Variants in CSMD2 observed in about 807,000 individuals in gnomAD.
CSMD2 encodes the protein CUB and sushi domain-containing protein 2.
Under a neutral mutation model 398.5 loss-of-function variants are expected in CSMD2, and 130 were observed. That is an observed-to-expected ratio of 0.33 (90% CI 0.28 to 0.38). The LOEUF (loss-of-function observed/expected upper bound fraction) is 0.38. Among genes scored for constraint, CSMD2 ranks in the 10% least tolerant of loss-of-function variants. The pLI is 1.00. For synonymous variants in CSMD2, 1,828 were observed against 1,908.5 expected (o/e 0.96, Z 1.10); for missense variants, 3,829 against 4,764.9 (o/e 0.80, Z 5.78).
At chr1:33,779,274 T>C (rs556594964) in intron 12 of CSMD2, among the ~76,000 whole-genome samples, 8 of 151,630 alleles carry the variant, frequency 5.3e-5, no homozygotes, top group South Asian at 2.1e-4. Flanking sequence ...TGTAGGGAGG[T>C]AGAATAGTGC....
intron 2 of CSMD2, among the ~76,000 whole-genome samples, chr1:34,069,372 G>A (rs1408741053): frequency 6.6e-6 from 1 of 152,198 alleles, no homozygotes; most frequent in Non-Finnish European, 1.5e-5. Flanking sequence ...AAGCAACAGA[G>A]CACAGGAAGG....
chr1:33,588,162 A>G (rs557410655), intron 44 of CSMD2, among the ~76,000 whole-genome samples: 1 of 152,308 alleles, frequency 6.6e-6, no homozygotes, highest in Non-Finnish European at 1.5e-5. Flanking sequence ...TATATGTTAT[A>G]TAGCTTGTGT....
At chr1:34,141,222 C>T (rs1038849791) in intron 1 of CSMD2, among the ~76,000 whole-genome samples, 5 of 152,030 alleles carry the variant, frequency 3.3e-5, no homozygotes, top group Non-Finnish European at 1.5e-5. Context: ...TTGGTTCTCC[C>T]TCTGTATTCA....
At chr1:33,544,854 T>TATATATATATATATATAC (rs1553134872) in intron 57 of CSMD2, among the ~76,000 whole-genome samples, 1 of 93,328 alleles carries the variant, frequency 1.1e-5, no homozygotes, top group African/African-American at 3.3e-5. Context: ...TATATATATA[T>TATATATATATATATATAC]ACACATATAA....
In CSMD2 at chr1:33,617,560, C is replaced by T. The variant is rs1442611815; in HGVS notation, c.5885G>A (p.Gly1962Asp). 1.2e-6 allele frequency: 2 copies of T among 1,614,136 alleles called. No individual in the cohort carries two copies. Among genetic ancestry groups the T allele is most frequent in the South Asian group, 1.1e-5 (1 of 91,070 alleles). Residue 1962 changes from glycine (G) to aspartate (D), a missense_variant, in exon 38 of 71, where the codon GGC (glycine) becomes GAC (aspartate). Gly to Asp is a moderately conservative substitution (Grantham distance 94). This residue lies in a region of CSMD2 where 2,001 missense variants were observed against 2,567.1 expected (regional missense o/e 0.78). Transcript: ENST00000373381. Reference sequence around the variant, plus strand: ...CACATCATTCACCAAGTAGCGCTCGCCAGTCTTCACCCCGTTACTGGGCAC... The same window carrying T: ...CACATCATTCACCAAGTAGCGCTCGTCAGTCTTCACCCCGTTACTGGGCAC... Reference protein sequence around the residue: ...PAVPSNGVKTGERYLVNDVVS... With the variant: ...PAVPSNGVKTDERYLVNDVVS...
At chr1:33,917,102 G>A (rs181177856) in intron 5 of CSMD2, among the ~76,000 whole-genome samples, 34 of 152,084 alleles carry the variant, frequency 2.2e-4, no homozygotes, top group African/African-American at 7.9e-4. Flanking sequence ...GCACAGCCCC[G>A]CCAGACCTGG....
intron 22 of CSMD2, among the ~76,000 whole-genome samples, chr1:33,703,162 C>T (rs554936204): frequency 6.6e-6 from 1 of 152,200 alleles, no homozygotes; most frequent in South Asian, 2.1e-4. Context: ...AAACAAAATT[C>T]TCCCAGATGT....
intron 2 of CSMD2, among the ~76,000 whole-genome samples, chr1:34,069,253 T>C (rs1194793073): frequency 6.6e-6 from 1 of 151,946 alleles, no homozygotes; most frequent in Non-Finnish European, 1.5e-5. Flanking sequence ...AAGAATTTGC[T>C]GAGACCCCCC....
chr1:33,586,668 G>T, intron 45 of CSMD2, 51 bp from the exon 46 acceptor site: 1 of 1,223,376 alleles, frequency 8.2e-7, no homozygotes, highest in Non-Finnish European at 1.2e-6. Flanking sequence ...CCAGTCATTA[G>T]TACCTTGAAC....
chr1:33,934,686 AT>A (rs1247874029), intron 4 of CSMD2, among the ~76,000 whole-genome samples: 4 of 152,074 alleles, frequency 2.6e-5, no homozygotes, highest in African/African-American at 9.7e-5. Context: ...TCCCTTCTGT[AT>A]TTTCTAAGCT....
At chr1:33,597,209 G>C (rs1570882481) in intron 44 of CSMD2, among the ~76,000 whole-genome samples, 2 of 152,056 alleles carry the variant, frequency 1.3e-5, no homozygotes, top group South Asian at 4.2e-4. Flanking sequence ...CTTGCCTGGA[G>C]AAAGGCAAAA....
intron 3 of CSMD2, among the ~76,000 whole-genome samples, chr1:34,014,518 G>A (rs530625997): frequency 7.2e-5 from 11 of 152,352 alleles, no homozygotes; most frequent in Admixed American, 7.2e-4. Flanking sequence ...CTGGCTCAGA[G>A]CCTGGGAATT....
intron 3 of CSMD2, among the ~76,000 whole-genome samples, chr1:33,942,112 A>G (rs1283782209): frequency 6.6e-6 from 1 of 152,152 alleles, no homozygotes; most frequent in African/African-American, 2.4e-5. Context: ...CCAACAACCT[A>G]TCGAGAGAGG....
At chr1:33,797,737 C>A (rs1286505328) in intron 10 of CSMD2, among the ~76,000 whole-genome samples, 1 of 152,192 alleles carries the variant, frequency 6.6e-6, no homozygotes, top group Non-Finnish European at 1.5e-5. Flanking sequence ...GTGTCTTCTG[C>A]TGGAGGAAGG....
chr1:34,056,826 A>T (rs1247416811), intron 2 of CSMD2, among the ~76,000 whole-genome samples: 1 of 152,078 alleles, frequency 6.6e-6, no homozygotes, highest in Non-Finnish European at 1.5e-5. Context: ...AGGGGAGGGG[A>T]TATGAAACAG....
chr1:33,662,805 G>T, intron 26 of CSMD2, 85 bp downstream of exon 26: 1 of 1,184,160 alleles, frequency 8.4e-7, no homozygotes, highest in Non-Finnish European at 1.3e-6. Context: ...ATGGACTGAG[G>T]GATGAAGGAA....
intron 15 of CSMD2, among the ~76,000 whole-genome samples, chr1:33,730,320 C>T (rs1319885426): frequency 6.6e-6 from 1 of 152,088 alleles, no homozygotes; most frequent in Non-Finnish European, 1.5e-5. Flanking sequence ...AAAGATTATT[C>T]ACAGAAGGAC....
intron 3 of CSMD2, among the ~76,000 whole-genome samples, chr1:34,006,193 G>A (rs1321237707): frequency 1.3e-5 from 2 of 152,142 alleles, no homozygotes; most frequent in Admixed American, 6.5e-5. Context: ...CAAAGCCAAG[G>A]TGCCTCAGTC....
intron 67 of CSMD2, 80 bp from the exon 68 acceptor site, chr1:33,521,630 C>T (rs1654305034): frequency 1.1e-6 from 1 of 920,176 alleles, no homozygotes; most frequent in Non-Finnish European, 1.8e-6. Flanking sequence ...TACACGCTGC[C>T]CAGCAGGTCA....
Sources: allele counts gnomAD v4.1 joint callset (sites outside exome capture counted in the v4.1 genomes callset), GRCh38; gene constraint gnomAD v4.1.1; regional missense constraint gnomAD v4.1.1; transcripts MANE v1.5; gene names NCBI Gene and HGNC (gene_info 2026-07-23, HGNC 2026-07-21).